ANTXR1: variants seen among roughly 807,000 people sequenced by gnomAD.
ANTXR1 encodes ANTXR cell adhesion molecule 1.
A neutral mutation model predicts 78.1 loss-of-function variants in ANTXR1; 19 were observed. The ratio of observed to expected loss-of-function variants is 0.24; its 90% CI spans 0.17 to 0.36. The LOEUF is 0.36. ANTXR1 is among the 10% of genes least tolerant of loss of function. ANTXR1 has a pLI of 1.00. For synonymous variants in ANTXR1, 273 were observed against 260.5 expected (o/e 1.05, Z -0.46); for missense variants, 518 against 718.6 (o/e 0.72, Z 3.19).
intron 1 of ANTXR1, among the ~76,000 whole-genome samples, chr2:69,031,970 C>T (rs1349914122): frequency 6.6e-6 from 1 of 152,124 alleles, no homozygotes; most frequent in Admixed American, 6.6e-5. Context: ...AAGAGAAAAG[C>T]ACAGTACAAA....
At chr2:69,180,459 G>A (rs946778694) in intron 14 of ANTXR1, among the ~76,000 whole-genome samples, 13 of 152,158 alleles carry the variant, frequency 8.5e-5, no homozygotes, top group African/African-American at 3.1e-4. Flanking sequence ...TAATTACAGT[G>A]CCAAGATGAA....
intron 14 of ANTXR1, among the ~76,000 whole-genome samples, chr2:69,180,700 A>G (rs111671467): frequency 1.1e-4 from 17 of 152,248 alleles, no homozygotes; most frequent in African/African-American, 3.4e-4. Flanking sequence ...TGGGAATACA[A>G]TTGTAAGCAT....
intron 9 of ANTXR1, among the ~76,000 whole-genome samples, chr2:69,100,280 G>T (rs887102083): frequency 6.6e-6 from 1 of 152,224 alleles, no homozygotes; most frequent in Non-Finnish European, 1.5e-5. Context: ...TAGTCAGGCT[G>T]CTGGGCCAGA....
intron 17 of ANTXR1, among the ~76,000 whole-genome samples, chr2:69,205,607 T>TA (rs35660492): frequency 0.54 from 79,787 of 148,270 alleles, 21,701 homozygotes; most frequent in East Asian, 0.78. Flanking sequence ...TTTTTTTTTT[T>TA]AACTTTCCCT....
At chr2:69,045,954 C>A (rs550778674) in intron 3 of ANTXR1, among the ~76,000 whole-genome samples, 13 of 152,284 alleles carry the variant, frequency 8.5e-5, no homozygotes, top group African/African-American at 2.9e-4. Flanking sequence ...GTTTACCTTG[C>A]TGCCTTCTGT....
intron 13 of ANTXR1, among the ~76,000 whole-genome samples, chr2:69,162,181 T>C (rs1673699537): frequency 1.3e-5 from 2 of 152,152 alleles, no homozygotes; most frequent in Admixed American, 6.5e-5. Flanking sequence ...TAAAGCAGGA[T>C]CTGGAAATCA....
chr2:69,087,353 C>T (rs1395012422), intron 8 of ANTXR1, among the ~76,000 whole-genome samples: 3 of 152,168 alleles, frequency 2.0e-5, no homozygotes, highest in Non-Finnish European at 4.4e-5. Context: ...CTATTGTTAT[C>T]CCACTTTTAT....
intron 9 of ANTXR1, among the ~76,000 whole-genome samples, chr2:69,096,112 G>C (rs565874444): frequency 8.2e-4 from 125 of 151,972 alleles, no homozygotes; most frequent in Non-Finnish European, 1.6e-3. Context: ...CAAAAAATGA[G>C]CCAGGCGTGG....
chr2:69,029,788 T>TG lies in ANTXR1; in HGVS notation c.153-10255dup, dbSNP rs201562393. Among the ~76,000 whole-genome samples, 1,490 of 151,874 alleles carry TG rather than the reference T, an allele frequency of 9.8e-3. 23 individuals are homozygous for TG. Among genetic ancestry groups the TG allele is most frequent in the African/African-American group, 0.034 (1,389 of 41,408 alleles). ...TTGACATCGGAATGGAAAATATATGTGAAAAAATATATAAGAAAAAGACAT... is the reference window on the plus strand; with the variant it reads ...TTGACATCGGAATGGAAAATATATGTGGAAAAAATATATAAGAAAAAGACAT... On this transcript the variant is annotated intron_variant, in intron 1 of 17. Coordinates refer to ENST00000303714, the MANE Select transcript of ANTXR1 (RefSeq NM_032208.3).
chr2:69,214,173 A>G (rs1320607990), intron 17 of ANTXR1, among the ~76,000 whole-genome samples: 1 of 152,252 alleles, frequency 6.6e-6, no homozygotes, highest in Non-Finnish European at 1.5e-5. Context: ...TGTGAAGAGG[A>G]AGAAGAGAAA....
At chr2:69,077,796 C>G (rs1007562709) in intron 8 of ANTXR1, among the ~76,000 whole-genome samples, 2 of 152,194 alleles carry the variant, frequency 1.3e-5, no homozygotes, top group Non-Finnish European at 2.9e-5. Context: ...TTACGCTTGA[C>G]CACCTCAGCT....
chr2:69,017,907 C>G (rs1243581838), intron 1 of ANTXR1, among the ~76,000 whole-genome samples: 2 of 152,170 alleles, frequency 1.3e-5, no homozygotes, highest in Admixed American at 6.5e-5. Context: ...ACAGCACCCC[C>G]CCACCCTCTC....
chr2:69,152,629 AT>A (rs1177887937), intron 13 of ANTXR1, among the ~76,000 whole-genome samples: 1 of 152,182 alleles, frequency 6.6e-6, no homozygotes, highest in Non-Finnish European at 1.5e-5. Context: ...ACACATACAC[AT>A]TTGTTGAGTT....
At chr2:69,205,023 G>A (rs1038636691) in intron 17 of ANTXR1, among the ~76,000 whole-genome samples, 1 of 152,134 alleles carries the variant, frequency 6.6e-6, no homozygotes, top group Non-Finnish European at 1.5e-5. Flanking sequence ...TAGGCAGTGG[G>A]GATTTAGCAT....
chr2:69,193,680 G>A (rs1674597965), intron 17 of ANTXR1, among the ~76,000 whole-genome samples: 1 of 152,190 alleles, frequency 6.6e-6, no homozygotes, highest in South Asian at 2.1e-4. Context: ...GATTTTGACA[G>A]TAATATGTTG....
intron 10 of ANTXR1, among the ~76,000 whole-genome samples, chr2:69,108,098 A>T (rs1230096187): frequency 6.6e-6 from 1 of 152,254 alleles, no homozygotes; most frequent in Non-Finnish European, 1.5e-5. Context: ...GGCATTTGAA[A>T]TGTGGCTAGT....
intron 9 of ANTXR1, among the ~76,000 whole-genome samples, chr2:69,100,349 G>A (rs1029227147): frequency 6.6e-6 from 1 of 152,192 alleles, no homozygotes; most frequent in East Asian, 1.9e-4. Context: ...TATCAGGCAG[G>A]ATGGGAGCTC....
chr2:69,143,575 C>A (rs3890788), intron 12 of ANTXR1, among the ~76,000 whole-genome samples: 9,128 of 152,056 alleles, frequency 0.06, 349 homozygotes, highest in Middle Eastern at 0.082. Context: ...TCATCCATAT[C>A]TAGATGAGAG....
At chr2:69,147,121 C>T (rs1673252092) in intron 12 of ANTXR1, among the ~76,000 whole-genome samples, 1 of 152,220 alleles carries the variant, frequency 6.6e-6, no homozygotes. Context: ...GAGCCAGGCT[C>T]TATGGGGGTC....
Sources: allele counts gnomAD v4.1 joint callset (sites outside exome capture counted in the v4.1 genomes callset), GRCh38; gene constraint gnomAD v4.1.1; transcripts MANE v1.5; gene names NCBI Gene and HGNC (gene_info 2026-07-23, HGNC 2026-07-21).